The following COBLL1 variants were observed in gnomAD, a reference collection of about 807,000 sequenced individuals.
COBLL1 encodes the protein cordon-bleu WH2 repeat protein like 1.
In COBLL1, 50 loss-of-function variants were observed where a neutral mutation model predicts 94.8. The observed-to-expected ratio is 0.53, with a 90% CI of 0.42 to 0.67. The LOEUF is 0.67. Ranked by LOEUF, COBLL1 falls within the 30% of genes least tolerant of loss-of-function variation. The pLI, the probability that COBLL1 is intolerant of heterozygous loss-of-function variation, is 0.00. For missense variants in COBLL1, 1,362 were observed against 1,348.7 expected, an observed-to-expected ratio of 1.01 and a Z score of -0.15; for synonymous variants, 448 against 473.8, an observed-to-expected ratio of 0.95 and a Z score of 0.71.
chr2:164,684,542 T>C lies in COBLL1; in HGVS notation c.*1404A>G, dbSNP rs1683189928. On this transcript the variant is annotated 3_prime_UTR_variant, in exon 14 of 14. Transcript: ENST00000652658. ...CAGCAGCAACATTTAGCATTTAAGATGGCCATGCCATGTATCAGGAACTAT... is the reference window on the plus strand; with the variant it reads ...CAGCAGCAACATTTAGCATTTAAGACGGCCATGCCATGTATCAGGAACTAT... The C allele has an allele frequency of 6.6e-6, 1 of 152,312 alleles. No individual in the cohort carries two copies. Among genetic ancestry groups the C allele is most frequent in the Middle Eastern group, 3.4e-3 (1 of 294 alleles). The allele number at this position is 152,312 out of a possible 1,614,324, so 9.4% of individuals were successfully genotyped here.
intron 2 of COBLL1, among the ~76,000 whole-genome samples, chr2:164,821,053 A>G (rs1685146455): frequency 6.6e-6 from 1 of 151,916 alleles, no homozygotes; most frequent in South Asian, 2.1e-4. Context: ...ATGCCCAGCT[A>G]ATTTTTTTTA....
intron 2 of COBLL1, among the ~76,000 whole-genome samples, chr2:164,747,894 C>T (rs887211546): frequency 5.9e-5 from 9 of 152,220 alleles, no homozygotes; most frequent in African/African-American, 2.2e-4. Flanking sequence ...GACCAAGATC[C>T]TTCCACAGTG....
At chr2:164,777,781 C>A (rs1167913906) in intron 2 of COBLL1, among the ~76,000 whole-genome samples, 2 of 152,164 alleles carry the variant, frequency 1.3e-5, no homozygotes, top group Non-Finnish European at 2.9e-5. Flanking sequence ...GGGGTACCTG[C>A]AGCCAGCTGG....
At chr2:164,806,610 C>A (rs1684168552) in intron 2 of COBLL1, among the ~76,000 whole-genome samples, 1 of 152,114 alleles carries the variant, frequency 6.6e-6, no homozygotes, top group African/African-American at 2.4e-5. Flanking sequence ...GACCCCAGAG[C>A]CTTTGGAGGG....
At chr2:164,753,690 C>T (rs1687240039) in intron 2 of COBLL1, among the ~76,000 whole-genome samples, 1 of 149,978 alleles carries the variant, frequency 6.7e-6, no homozygotes, top group Non-Finnish European at 1.5e-5. Flanking sequence ...ATACTTGATT[C>T]AGTTACTGGA....
chr2:164,743,569 A>C (rs1686704573), intron 3 of COBLL1, 118 bp downstream of exon 3: 1 of 849,570 alleles, frequency 1.2e-6, no homozygotes, highest in Non-Finnish European at 1.9e-6. Context: ...ACAGGTAACT[A>C]AACTGAGTGA....
intron 2 of COBLL1, among the ~76,000 whole-genome samples, chr2:164,779,335 A>T (rs1325207834): frequency 4.6e-5 from 7 of 152,080 alleles, no homozygotes. Flanking sequence ...TTTTCATCAG[A>T]ACTGTCCTGC....
intron 2 of COBLL1, among the ~76,000 whole-genome samples, chr2:164,832,378 A>T (rs958986830): frequency 6.6e-6 from 1 of 152,226 alleles, no homozygotes; most frequent in African/African-American, 2.4e-5. Context: ...AATTAATCAC[A>T]CTGAGAAACA....
At chr2:164,763,168 C>T (rs932616969) in intron 2 of COBLL1, among the ~76,000 whole-genome samples, 1 of 152,138 alleles carries the variant, frequency 6.6e-6, no homozygotes, top group African/African-American at 2.4e-5. Flanking sequence ...ATAGGAAAAG[C>T]TCACTGATTC....
intron 11 of COBLL1, chr2:164,697,942 C>T (rs1684040106): frequency 6.6e-6 from 1 of 151,978 alleles, no homozygotes; most frequent in Non-Finnish European, 1.5e-5. Flanking sequence ...CATTGACAAA[C>T]TTACAAGAAG....
chr2:164,821,351 G>A (rs543424180), intron 2 of COBLL1, among the ~76,000 whole-genome samples: 67 of 152,240 alleles, frequency 4.4e-4, no homozygotes, highest in African/African-American at 1.6e-3. Context: ...AACGAACCTC[G>A]TCAAAAACAC....
At chr2:164,750,998 G>T (rs1687098405) in intron 2 of COBLL1, among the ~76,000 whole-genome samples, 1 of 152,124 alleles carries the variant, frequency 6.6e-6, no homozygotes, top group Non-Finnish European at 1.5e-5. Flanking sequence ...ATTCTTTCCT[G>T]AAATAGACCC....
At chr2:164,687,791 C>T (rs1190402819) in intron 13 of COBLL1, 1 of 460,664 alleles carries the variant, frequency 2.2e-6, no homozygotes, top group Non-Finnish European at 3.9e-6. Context: ...TAATGACTTC[C>T]ATTGTGGAAC....
rs1485428124 is a variant in COBLL1, at chr2:164,725,196, T to C, written c.662-2674A>G. 9.4e-5 allele frequency among the ~76,000 whole-genome samples: 14 copies of C among 148,944 alleles called. No individual in the cohort carries two copies. The Admixed American group carries it at 9.5e-4, about 10-fold the overall frequency. On this transcript the variant is annotated intron_variant, in intron 5 of 13. Transcript: ENST00000652658. Reference sequence around the variant, plus strand: ...GGAACTATAAGTGAACAGAGAGTTTTCGTAACTTGCACAAAGACAAACAGG... The same window carrying C: ...GGAACTATAAGTGAACAGAGAGTTTCCGTAACTTGCACAAAGACAAACAGG...
At position 164,722,220 on chromosome 2, in the gene COBLL1, G is replaced by C. The variant is rs1230307329; in HGVS notation, c.851C>G (p.Thr284Ser). The change falls in exon 7 of 14, where the codon ACC becomes AGC. Residue 284 changes from threonine to serine, a missense_variant. Transcript: ENST00000652658. ...NTISKPYISN[T>S]LPSDAPKKRR... ...CTTCTTGGGTGCATCCGACGGCAGG[G>C]TGTTGGAAATATATGGTTTGGAAAT... 1 of 1,614,082 alleles carries C rather than the reference G, an allele frequency of 6.2e-7. No homozygotes were observed. The highest frequency in any genetic ancestry group is 1.1e-5 in the South Asian group (1 of 91,072).
intron 7 of COBLL1, among the ~76,000 whole-genome samples, chr2:164,705,754 C>T (rs1684557496): frequency 6.6e-6 from 1 of 152,178 alleles, no homozygotes; most frequent in Admixed American, 6.5e-5. Flanking sequence ...GTTCAGGTGG[C>T]TCACACCTGT....
chr2:164,734,690 A>G (rs2105533578), intron 3 of COBLL1, among the ~76,000 whole-genome samples: 1 of 152,288 alleles, frequency 6.6e-6, no homozygotes, highest in Non-Finnish European at 1.5e-5. Context: ...CAGAAAGGAG[A>G]CAGAGACAGA....
chr2:164,793,263 T>G (rs1683280089), intron 2 of COBLL1, among the ~76,000 whole-genome samples: 1 of 152,058 alleles, frequency 6.6e-6, no homozygotes, highest in Non-Finnish European at 1.5e-5. Context: ...ATGATAGTGG[T>G]TTGTAAACCT....
intron 7 of COBLL1, 139 bp from the exon 8 acceptor site, chr2:164,705,244 A>T: frequency 1.8e-6 from 1 of 542,940 alleles, no homozygotes; most frequent in Non-Finnish European, 2.9e-6. Context: ...TTTATGAAGC[A>T]TCTGCCACAC....
Sources: allele counts gnomAD v4.1 joint callset (sites outside exome capture counted in the v4.1 genomes callset), GRCh38; gene constraint gnomAD v4.1.1; transcripts MANE v1.5; gene names NCBI Gene and HGNC (gene_info 2026-07-23, HGNC 2026-07-21).